Variants in IL1RAPL2 observed in about 807,000 individuals in gnomAD.
IL1RAPL2 encodes the protein X-linked interleukin-1 receptor accessory protein-like 2.
A neutral mutation model predicts 44.1 loss-of-function variants in IL1RAPL2; 3 were observed. The observed-to-expected ratio is 0.07, with a 90% confidence interval of 0.03 to 0.18. The LOEUF is 0.18. Ranked by LOEUF, IL1RAPL2 falls within the 10% of genes least tolerant of loss-of-function variation. The pLI is 1.00. For missense variants in IL1RAPL2, 391 were observed against 496.4 expected (o/e 0.79, Z 2.02); for synonymous variants, 181 against 178.8 (o/e 1.01, Z -0.10).
At chrX:104,647,514 G>A (rs1930065209) in intron 1 of IL1RAPL2, 1 of 533,447 alleles carries the variant, frequency 1.9e-6, no homozygotes, top group African/African-American at 2.2e-5. Context: ...TCCAGGATGA[G>A]CCCAAAGGTG....
intron 2 of IL1RAPL2, 85 bp downstream of exon 2, chrX:104,659,080 A>C: frequency 1.7e-6 from 1 of 578,652 alleles, no homozygotes; most frequent in Admixed American, 3.1e-5. Context: ...TTTAACTATG[A>C]ATGTCTTTAA....
intron 1 of IL1RAPL2, among the ~76,000 whole-genome samples, chrX:104,635,230 T>C (rs1389984602): frequency 1.8e-5 from 2 of 111,979 alleles, no homozygotes; most frequent in Non-Finnish European, 3.8e-5. Flanking sequence ...TCTGATGGGC[T>C]TCCCTTTGTG....
intron 2 of IL1RAPL2, among the ~76,000 whole-genome samples, chrX:104,888,369 A>C (rs1260700335): frequency 1.8e-5 from 2 of 110,864 alleles, no homozygotes; most frequent in African/African-American, 6.6e-5. Flanking sequence ...AGAGACAGAC[A>C]AAAAGGGAGT....
At chrX:104,906,279 A>G (rs2147678146) in intron 2 of IL1RAPL2, among the ~76,000 whole-genome samples, 1 of 110,774 alleles carries the variant, frequency 9.0e-6, no homozygotes, top group East Asian at 2.8e-4. Flanking sequence ...CTCTTTTCCT[A>G]ATTGAATACC....
At chrX:104,592,188 T>C (rs1272020941) in intron 1 of IL1RAPL2, among the ~76,000 whole-genome samples, 1 of 105,172 alleles carries the variant, frequency 9.5e-6, no homozygotes, top group African/African-American at 3.5e-5. Context: ...TGTGTGTGTG[T>C]GTGTGTTATT....
At chrX:105,706,244 G>A (rs770869225) in intron 6 of IL1RAPL2, among the ~76,000 whole-genome samples, 121 of 111,405 alleles carry the variant, frequency 1.1e-3, no homozygotes, top group Non-Finnish European at 1.1e-3. Context: ...AGAAATCTCC[G>A]CTGTTAAGCA....
At position 105,387,063 on chromosome X, in the gene IL1RAPL2, C is replaced by T. The variant is rs966828672; in HGVS notation, c.698-97250C>T. ...CTATATATGTATATGCACTTATGTG[C>T]ACTTACTGATATAATGTTTACTTAA... On this transcript the variant is annotated intron_variant, in intron 5 of 10. Coordinates refer to ENST00000372582, the MANE Select transcript of IL1RAPL2 (RefSeq NM_017416.2). Among the ~76,000 whole-genome samples the T allele has an allele frequency of 2.7e-5, 3 of 111,339 alleles. No homozygotes were observed. In the Admixed American group the frequency reaches 2.9e-4, roughly 11 times the overall value.
intron 2 of IL1RAPL2, among the ~76,000 whole-genome samples, chrX:104,942,311 A>G (rs1309302822): frequency 8.9e-6 from 1 of 112,083 alleles, no homozygotes; most frequent in Non-Finnish European, 1.9e-5. Flanking sequence ...TTTTCACAAT[A>G]TTGATTCTTC....
intron 5 of IL1RAPL2, among the ~76,000 whole-genome samples, chrX:105,471,375 G>A (rs1250779985): frequency 9.0e-6 from 1 of 111,492 alleles, no homozygotes; most frequent in Non-Finnish European, 1.9e-5. Flanking sequence ...GATAGTGGGT[G>A]GCAGATGTTT....
intron 1 of IL1RAPL2, among the ~76,000 whole-genome samples, chrX:104,629,926 A>G (rs748286517): frequency 8.9e-6 from 1 of 111,825 alleles, no homozygotes; most frequent in Non-Finnish European, 1.9e-5. Flanking sequence ...TTTGGTTACT[A>G]TAGTGTTGTA....
At chrX:105,287,940 G>C (rs1330029846) in intron 5 of IL1RAPL2, among the ~76,000 whole-genome samples, 2 of 111,173 alleles carry the variant, frequency 1.8e-5, no homozygotes, top group Non-Finnish European at 3.8e-5. Flanking sequence ...AGTCTAGTAG[G>C]GAAGGGAGTA....
intron 2 of IL1RAPL2, among the ~76,000 whole-genome samples, chrX:104,809,856 C>T (rs754224153): frequency 9.0e-6 from 1 of 111,225 alleles, no homozygotes; most frequent in South Asian, 3.8e-4. Flanking sequence ...GTTTTTATGG[C>T]GATTCCTCAG....
intron 5 of IL1RAPL2, among the ~76,000 whole-genome samples, chrX:105,456,474 A>G (rs2036055932): frequency 9.0e-6 from 1 of 111,152 alleles, no homozygotes; most frequent in South Asian, 3.8e-4. Flanking sequence ...GATGGCTCTT[A>G]TTATTTTGAG....
At chrX:104,814,323 C>T (rs1329103479) in intron 2 of IL1RAPL2, among the ~76,000 whole-genome samples, 2 of 112,144 alleles carry the variant, frequency 1.8e-5, no homozygotes, top group African/African-American at 6.5e-5. Flanking sequence ...ATCGTACATC[C>T]CCACTGTGAA....
At chrX:105,676,484 C>T (rs1221148581) in intron 6 of IL1RAPL2, among the ~76,000 whole-genome samples, 1 of 111,689 alleles carries the variant, frequency 9.0e-6, no homozygotes, top group African/African-American at 3.3e-5. Context: ...TTGATGGCAT[C>T]AGACTCAATA....
intron 5 of IL1RAPL2, among the ~76,000 whole-genome samples, chrX:105,341,929 T>C (rs1194392728): frequency 9.1e-6 from 1 of 109,827 alleles, no homozygotes; most frequent in Non-Finnish European, 1.9e-5. Flanking sequence ...TGAGACTCTG[T>C]GTCAAAAAAG....
intron 2 of IL1RAPL2, among the ~76,000 whole-genome samples, chrX:105,089,636 T>TA (rs1339209604): frequency 8.9e-6 from 1 of 111,809 alleles, no homozygotes; most frequent in Non-Finnish European, 1.9e-5. Flanking sequence ...GTAATGGCAG[T>TA]AGGAGGAATC....
At chrX:105,684,522 G>A (rs1168158048) in intron 6 of IL1RAPL2, among the ~76,000 whole-genome samples, 3 of 112,498 alleles carry the variant, frequency 2.7e-5, no homozygotes, top group African/African-American at 6.5e-5. Flanking sequence ...TGAACAAAGC[G>A]GCCGGGAAGC....
intron 8 of IL1RAPL2, among the ~76,000 whole-genome samples, chrX:105,745,874 G>A (rs1410876846): frequency 6.3e-5 from 7 of 110,773 alleles, no homozygotes; most frequent in Admixed American, 3.8e-4. Context: ...GTAGAGACAG[G>A]GCTTCACTTT....
Sources: allele counts gnomAD v4.1 joint callset (sites outside exome capture counted in the v4.1 genomes callset), GRCh38; gene constraint gnomAD v4.1.1; transcripts MANE v1.5; gene names NCBI Gene and HGNC (gene_info 2026-07-23, HGNC 2026-07-21).